The following FSTL5 variants were observed in gnomAD, a reference collection of about 807,000 sequenced individuals.
The protein encoded by FSTL5 is follistatin like 5.
In FSTL5, 62 loss-of-function variants were observed where a neutral mutation model predicts 89.1. The ratio of observed to expected loss-of-function variants is 0.70; its 90% CI spans 0.57 to 0.86. The LOEUF is 0.86. Among genes scored for constraint, FSTL5 ranks in the 40% least tolerant of loss-of-function variants. The pLI is 0.00. For synonymous variants in FSTL5, 383 were observed against 346.2 expected (o/e 1.11, Z -1.18); for missense variants, 1,057 against 1,001.6 (o/e 1.06, Z -0.75).
chr4:161,480,945 A>T, intron 13 of FSTL5, 75 bp downstream of exon 13: 1 of 1,007,136 alleles, frequency 9.9e-7, no homozygotes, highest in Non-Finnish European at 1.4e-6. Flanking sequence ...CAATCAAGTT[A>T]CCTGGTAAAG....
intron 13 of FSTL5, among the ~76,000 whole-genome samples, chr4:161,470,223 T>G (rs1733890358): frequency 6.6e-6 from 1 of 152,116 alleles, no homozygotes; most frequent in South Asian, 2.1e-4. Flanking sequence ...CAGTTTAAAT[T>G]TTGCACCTGA....
rs562419318 is a variant in FSTL5, at chr4:161,898,084, T to TTA, written c.409+22318_409+22319dup. Among the ~76,000 whole-genome samples the TTA allele has an allele frequency of 6.7e-4, 99 of 147,912 alleles. No individual in the cohort carries two copies. The East Asian group carries it at 6.8e-3, about 10-fold the overall frequency. ...CATTTTTTATTGTATTTACTTATAT[T>TTA]TATATATATATATTTTATTTTATGA... On this transcript the variant is annotated intron_variant, in intron 4 of 15. Transcript: ENST00000306100.
chr4:161,936,605 G>T (rs184223793), intron 3 of FSTL5, among the ~76,000 whole-genome samples: 1 of 152,030 alleles, frequency 6.6e-6, no homozygotes, highest in Admixed American at 6.6e-5. Flanking sequence ...ACCAAGTACC[G>T]CAGGAAATGA....
At chr4:161,408,683 T>C (rs1368799361) in intron 15 of FSTL5, among the ~76,000 whole-genome samples, 1 of 152,052 alleles carries the variant, frequency 6.6e-6, no homozygotes. Context: ...ATCAATACAG[T>C]AAAATAACTC....
intron 2 of FSTL5, among the ~76,000 whole-genome samples, chr4:162,063,216 C>G (rs1452626589): frequency 6.6e-6 from 1 of 151,524 alleles, no homozygotes; most frequent in Non-Finnish European, 1.5e-5. Flanking sequence ...CCCCTTTTTT[C>G]TCATCTGTGA....
chr4:161,481,397 T>A (rs1729502102), intron 12 of FSTL5, among the ~76,000 whole-genome samples: 1 of 152,158 alleles, frequency 6.6e-6, no homozygotes, highest in South Asian at 2.1e-4. Flanking sequence ...TAATTACTTA[T>A]TTTTCTAGTA....
intron 3 of FSTL5, among the ~76,000 whole-genome samples, chr4:161,981,808 G>A (rs1269377817): frequency 6.6e-6 from 1 of 152,060 alleles, no homozygotes; most frequent in East Asian, 1.9e-4. Flanking sequence ...CGTATGTATT[G>A]TAAATACTGA....
Position 161,726,901 on chromosome 4 carries a change from CA to C in FSTL5, c.727+32509del, listed in dbSNP as rs752981511. ...TGCTCTAGCAAGATATCCCAAAGAG[CA>C]AAAAAAAAAAATATATATATATATA... On this transcript the variant is annotated intron_variant, in intron 6 of 15. Coordinates refer to ENST00000306100, the MANE Select transcript of FSTL5 (RefSeq NM_020116.5). Among the ~76,000 whole-genome samples the C allele has an allele frequency of 5.0e-3, 716 of 142,712 alleles. 3 individuals carry two copies. The highest frequency in any genetic ancestry group is 0.017 in the African/African-American group (673 of 38,568). 93.6% of individuals were successfully genotyped at this position (142,712 alleles called of 152,430 possible). A position where few individuals can be genotyped will look rare whatever the true frequency, so the allele number is the denominator to read the frequency against.
intron 3 of FSTL5, among the ~76,000 whole-genome samples, chr4:161,995,868 C>G (rs1736280123): frequency 1.3e-5 from 2 of 151,236 alleles, no homozygotes; most frequent in Non-Finnish European, 2.9e-5. Context: ...AGGGAGACTA[C>G]ACACTCTTCA....
At chr4:161,963,297 T>G (rs1735232102) in intron 3 of FSTL5, among the ~76,000 whole-genome samples, 1 of 151,944 alleles carries the variant, frequency 6.6e-6, no homozygotes, top group Non-Finnish European at 1.5e-5. Context: ...TTTAAATTCC[T>G]CACATATTGT....
chr4:162,037,696 G>A (rs1737795533), intron 2 of FSTL5, among the ~76,000 whole-genome samples: 1 of 151,784 alleles, frequency 6.6e-6, no homozygotes, highest in East Asian at 1.9e-4. Flanking sequence ...CATGAATTTG[G>A]AGAAGGGAAA....
intron 15 of FSTL5, among the ~76,000 whole-genome samples, chr4:161,396,054 G>A (rs1730983717): frequency 6.6e-6 from 1 of 151,820 alleles, no homozygotes; most frequent in African/African-American, 2.4e-5. Context: ...GACTTGACCA[G>A]TTAGGGCCTT....
intron 4 of FSTL5, among the ~76,000 whole-genome samples, chr4:161,903,962 A>T (rs1041587215): frequency 6.6e-6 from 1 of 152,044 alleles, no homozygotes; most frequent in Non-Finnish European, 1.5e-5. Context: ...GACATAAACT[A>T]CACTACTAGA....
rs1288921090 is a variant in FSTL5, at chr4:161,790,085, T to A, written c.410-14011A>T. Among the ~76,000 whole-genome samples, 9 of 152,192 alleles carry A rather than the reference T, an allele frequency of 5.9e-5. No individual in the cohort carries two copies. In the East Asian group the frequency reaches 1.7e-3, roughly 29 times the overall value. ...TTGCAACATCCTCTCAAGGAGAAAA[T>A]ACTGTCACTTTGTGTTATGGTGGAG... On this transcript the variant is annotated intron_variant, in intron 4 of 15. Coordinates refer to ENST00000306100, the MANE Select transcript of FSTL5 (RefSeq NM_020116.5).
At chr4:161,904,197 C>G (rs1560908724) in intron 4 of FSTL5, among the ~76,000 whole-genome samples, 1 of 151,792 alleles carries the variant, frequency 6.6e-6, no homozygotes, top group Admixed American at 6.6e-5. Context: ...AAAAAAATCA[C>G]TTGGATTCTA....
intron 7 of FSTL5, among the ~76,000 whole-genome samples, chr4:161,631,746 C>T (rs533158759): frequency 6.6e-6 from 1 of 152,252 alleles, no homozygotes; most frequent in South Asian, 2.1e-4. Context: ...ACACAAATTA[C>T]TACAAAATTT....
intron 8 of FSTL5, among the ~76,000 whole-genome samples, chr4:161,576,135 G>A (rs558306496): frequency 2.6e-5 from 4 of 152,162 alleles, no homozygotes; most frequent in East Asian, 3.9e-4. Context: ...CCTCTTCAAG[G>A]AGAACTACAA....
intron 2 of FSTL5, among the ~76,000 whole-genome samples, chr4:162,049,592 C>G (rs1235935086): frequency 1.3e-5 from 2 of 152,130 alleles, no homozygotes; most frequent in Admixed American, 6.5e-5. Flanking sequence ...CCTGTAGTCT[C>G]TTCCCTTCCT....
intron 8 of FSTL5, among the ~76,000 whole-genome samples, chr4:161,568,055 GCT>G (rs879648601): frequency 6.6e-6 from 1 of 151,502 alleles, no homozygotes; most frequent in Non-Finnish European, 1.5e-5. Context: ...AGCAGTGTTG[GCT>G]CTGTCTCCGT....
Sources: allele counts gnomAD v4.1 joint callset (sites outside exome capture counted in the v4.1 genomes callset), GRCh38; gene constraint gnomAD v4.1.1; transcripts MANE v1.5; gene names NCBI Gene and HGNC (gene_info 2026-07-23, HGNC 2026-07-21).